The following RBMS3 variants were observed in gnomAD, a reference collection of about 807,000 sequenced individuals.
The protein encoded by RBMS3 is RNA binding motif single stranded interacting protein 3.
In RBMS3, 27 loss-of-function variants were observed where a neutral mutation model predicts 66.8. The observed-to-expected ratio is 0.40, with a 90% confidence interval of 0.30 to 0.56. The LOEUF (loss-of-function observed/expected upper bound fraction) is 0.56, where lower values mean the gene tolerates loss of function less well. RBMS3 is among the 20% of genes least tolerant of loss of function. The pLI, the probability that RBMS3 is intolerant of heterozygous loss-of-function variation, is 0.40. For synonymous variants in RBMS3, 188 were observed against 183.0 expected (o/e 1.03, Z -0.22); for missense variants, 513 against 549.5 (o/e 0.93, Z 0.66).
chr3:29,801,026 C>CA (rs2057372020), intron 6 of RBMS3, among the ~76,000 whole-genome samples: 2 of 150,780 alleles, frequency 1.3e-5, no homozygotes, highest in African/African-American at 4.9e-5. Context: ...CACACACACA[C>CA]CTGTAAACGG....
chr3:29,656,669 T>C (rs551020888), intron 4 of RBMS3, among the ~76,000 whole-genome samples: 1 of 152,138 alleles, frequency 6.6e-6, no homozygotes, highest in African/African-American at 2.4e-5. Context: ...ATAACCTGTC[T>C]ACCTAAGGTT....
chr3:29,312,401 A>G (rs1009895728), intron 1 of RBMS3, among the ~76,000 whole-genome samples: 1 of 151,898 alleles, frequency 6.6e-6, no homozygotes, highest in Admixed American at 6.6e-5. Context: ...GTTCACTTAC[A>G]TAGGGACACA....
At chr3:29,311,245 G>A (rs1483118587) in intron 1 of RBMS3, among the ~76,000 whole-genome samples, 1 of 151,734 alleles carries the variant, frequency 6.6e-6, no homozygotes, top group Non-Finnish European at 1.5e-5. Flanking sequence ...GAGAGCTCTG[G>A]CAGGAGAATA....
At chr3:29,405,477 T>TA (rs61339339) in intron 1 of RBMS3, among the ~76,000 whole-genome samples, 8,687 of 152,238 alleles carry the variant, frequency 0.057, 417 homozygotes, top group East Asian at 0.19. Context: ...TTATTGTTTT[T>TA]GTGGCAAATC....
At chr3:29,286,420 T>C (rs1182600708) in intron 1 of RBMS3, among the ~76,000 whole-genome samples, 1 of 152,100 alleles carries the variant, frequency 6.6e-6, no homozygotes, top group Non-Finnish European at 1.5e-5. Flanking sequence ...GTTTGGTGCC[T>C]ACTTAAAAGG....
chr3:29,464,096 CCTTAA>C (rs1296880577), intron 2 of RBMS3, among the ~76,000 whole-genome samples: 3 of 152,008 alleles, frequency 2.0e-5, no homozygotes, highest in Non-Finnish European at 4.4e-5. Context: ...CACCTGCAAC[CCTTAA>C]CTTGTGTACA....
In RBMS3 at chr3:29,919,826, C is replaced by A. The variant is rs1057050946; in HGVS notation, c.940-16260C>A. Reference sequence around the variant, plus strand: ...TGCTCCTGCTGCTTTCAGCATTGTACATTGTCAACTTTTCTGTCACTTCAT... The same window carrying A: ...TGCTCCTGCTGCTTTCAGCATTGTAAATTGTCAACTTTTCTGTCACTTCAT... On this transcript the variant is annotated intron_variant, in intron 10 of 14. Coordinates refer to ENST00000383767, the MANE Select transcript of RBMS3 (RefSeq NM_001003793.3). Among the ~76,000 whole-genome samples, 36 of 152,230 alleles carry A rather than the reference C, an allele frequency of 2.4e-4. 1 individual carries two copies. The highest frequency in any genetic ancestry group is 7.2e-5 in the African/African-American group (3 of 41,460).
intron 1 of RBMS3, among the ~76,000 whole-genome samples, chr3:29,339,372 G>T (rs2036148010): frequency 6.6e-6 from 1 of 152,128 alleles, no homozygotes; most frequent in African/African-American, 2.4e-5. Flanking sequence ...TTCGTGTGCT[G>T]GTCTGAGCAC....
intron 2 of RBMS3, among the ~76,000 whole-genome samples, chr3:29,469,036 A>C (rs2042633595): frequency 6.6e-6 from 1 of 152,124 alleles, no homozygotes; most frequent in South Asian, 2.1e-4. Context: ...TAAAAATCAG[A>C]CCACATATTG....
At chr3:29,447,499 T>C (rs2041873246) in intron 2 of RBMS3, among the ~76,000 whole-genome samples, 1 of 152,226 alleles carries the variant, frequency 6.6e-6, no homozygotes, top group South Asian at 2.1e-4. Flanking sequence ...TGTGTCTCTT[T>C]AGACAAGTTA....
At chr3:29,760,925 A>G (rs1248533758) in intron 5 of RBMS3, among the ~76,000 whole-genome samples, 2 of 152,056 alleles carry the variant, frequency 1.3e-5, no homozygotes, top group Non-Finnish European at 2.9e-5. Context: ...AAATTGATTC[A>G]TTCTGAAGAC....
At chr3:29,977,884 T>G (rs1183025201) in intron 12 of RBMS3, among the ~76,000 whole-genome samples, 1 of 151,862 alleles carries the variant, frequency 6.6e-6, no homozygotes, top group South Asian at 2.1e-4. Context: ...TTGCAGATAT[T>G]TTCTAGCTTT....
intron 3 of RBMS3, among the ~76,000 whole-genome samples, chr3:29,517,263 T>G (rs2044663209): frequency 6.9e-6 from 1 of 144,826 alleles, no homozygotes; most frequent in South Asian, 2.2e-4. Context: ...TGTGAGGTGA[T>G]TTCATATATG....
Position 29,897,405 on chromosome 3 carries a change from C to T in RBMS3, c.818C>T (p.Ala273Val). The T allele has an allele frequency of 6.2e-7, 1 of 1,610,996 alleles. No homozygotes were observed. The highest frequency in any genetic ancestry group is 8.5e-7 in the Non-Finnish European group (1 of 1,177,938). The change falls in exon 9 of 15, where the codon GCA (alanine) becomes GTA (valine). Residue 273 changes from alanine to valine, a missense_variant. Ala to Val is a moderately conservative substitution (Grantham distance 64). Transcript: ENST00000383767. ...NGFYSSPYSI[A>V]TNRMIPQTSI... is the part of the protein sequence containing the mutation. ...TTTTATTCTTCACCGTACAGTATTG[C>T]AACCAACCGCATGATTCCACAGACA...
intron 1 of RBMS3, among the ~76,000 whole-genome samples, chr3:29,414,602 A>G (rs998418914): frequency 6.6e-6 from 1 of 152,160 alleles, no homozygotes; most frequent in Non-Finnish European, 1.5e-5. Flanking sequence ...AATGTGTTAC[A>G]TGTTTCAGTC....
intron 12 of RBMS3, among the ~76,000 whole-genome samples, chr3:29,960,124 A>G (rs2149733809): frequency 6.6e-6 from 1 of 152,342 alleles, no homozygotes; most frequent in South Asian, 2.1e-4. Context: ...ATGAGCCTGT[A>G]AAATCAAAGG....
intron 12 of RBMS3, among the ~76,000 whole-genome samples, chr3:29,963,691 G>A (rs532424927): frequency 6.6e-6 from 1 of 152,114 alleles, no homozygotes; most frequent in Non-Finnish European, 1.5e-5. Flanking sequence ...AATTGGGTGT[G>A]GTGGCGCGTG....
intron 8 of RBMS3, among the ~76,000 whole-genome samples, chr3:29,889,667 T>A (rs2059953180): frequency 6.6e-6 from 1 of 151,720 alleles, no homozygotes; most frequent in Non-Finnish European, 1.5e-5. Context: ...AGTTTGACAA[T>A]TAGTCTTTTT....
At chr3:29,666,618 C>T (rs4680840) in intron 4 of RBMS3, among the ~76,000 whole-genome samples, 1,883 of 137,010 alleles carry the variant, frequency 0.014, 58 homozygotes, top group African/African-American at 0.049. Flanking sequence ...ATCAAATATA[C>T]GATTTGATTA....
Sources: allele counts gnomAD v4.1 joint callset (sites outside exome capture counted in the v4.1 genomes callset), GRCh38; gene constraint gnomAD v4.1.1; transcripts MANE v1.5; gene names NCBI Gene and HGNC (gene_info 2026-07-23, HGNC 2026-07-21).